Variants in GNG7 observed in about 807,000 individuals in gnomAD.
GNG7 encodes G protein subunit gamma 7.
A neutral mutation model predicts 4.0 loss-of-function variants in GNG7; 1 was observed. That is an observed-to-expected ratio of 0.25 (90% CI 0.09 to 1.18). The LOEUF (loss-of-function observed/expected upper bound fraction) is 1.18, where lower values mean the gene tolerates loss of function less well. Ranked by LOEUF, GNG7 falls within the 50% of genes most tolerant of loss-of-function variation. The pLI is 0.50. For synonymous variants in GNG7, 34 were observed against 36.9 expected, an observed-to-expected ratio of 0.92 and a Z score of 0.29; for missense variants, 86 against 91.9, an observed-to-expected ratio of 0.94 and a Z score of 0.26.
rs1982219490 is a variant in GNG7 at position 2,633,483 on chromosome 19, GCGCGCACACACACACA to G, written c.-78+12725_-78+12740del. ...TGCTTAGCAACAGGCGCGCGCGCGC[GCGCGCACACACACACA>G]CACACACACACACACACACACACAC... On this transcript the variant is annotated intron_variant, in intron 2 of 4. Transcript: ENST00000382159. The surrounding 1 kb of genome is among the most constrained non-coding windows in gnomAD (Gnocchi z 5.9). Among the ~76,000 whole-genome samples, 1 of 80,308 alleles carries G rather than the reference GCGCGCACACACACACA, an allele frequency of 1.2e-5. No individual in the cohort carries two copies. Among genetic ancestry groups the G allele is most frequent in the African/African-American group, 3.7e-5 (1 of 26,692 alleles). 52.7% of individuals were successfully genotyped at this position (80,308 alleles called of 152,430 possible). A position where few individuals can be genotyped will look rare whatever the true frequency, so the allele number is the denominator to read the frequency against.
At chr19:2,680,092 C>T (rs564867831) in intron 1 of GNG7, among the ~76,000 whole-genome samples, 3 of 151,468 alleles carry the variant, frequency 2.0e-5, no homozygotes, top group Non-Finnish European at 2.9e-5. Flanking sequence ...GAGGGAGGAT[C>T]GCTTAAGCCC....
At chr19:2,528,186 G>A (rs1055820688) in intron 3 of GNG7, among the ~76,000 whole-genome samples, 10 of 149,556 alleles carry the variant, frequency 6.7e-5, no homozygotes, top group South Asian at 2.1e-4. Context: ...CACAAGAATC[G>A]CTTGAACCCA....
intron 1 of GNG7, among the ~76,000 whole-genome samples, chr19:2,661,341 A>AAAGAAAGAAAGAAAGG (rs1568277876): frequency 2.8e-4 from 41 of 149,086 alleles, no homozygotes; most frequent in African/African-American, 1.0e-3. Flanking sequence ...AGAAAGAAAG[A>AAAGAAAGAAAGAAAGG]AAGAAAGAAA....
intron 1 of GNG7, among the ~76,000 whole-genome samples, chr19:2,689,129 GC>G (rs1913073577): frequency 6.7e-6 from 1 of 149,830 alleles, no homozygotes; most frequent in East Asian, 2.0e-4. Flanking sequence ...AATTATGTTT[GC>G]CCCAACATAA....
chr19:2,689,675 T>C (rs1913090210), intron 1 of GNG7, among the ~76,000 whole-genome samples: 1 of 143,922 alleles, frequency 6.9e-6, no homozygotes. Context: ...TTCTCTGAAG[T>C]TAACTGTTAG....
intron 2 of GNG7, among the ~76,000 whole-genome samples, chr19:2,558,953 C>G (rs888894072): frequency 3.3e-5 from 5 of 151,870 alleles, no homozygotes; most frequent in African/African-American, 9.7e-5. Flanking sequence ...CATGCACCAC[C>G]ACTCTTGGCT....
intron 3 of GNG7, chr19:2,538,081 A>AAAAC (rs1555691778): frequency 9.1e-6 from 4 of 441,916 alleles, no homozygotes; most frequent in African/African-American, 6.1e-5. Flanking sequence ...TCTCTCAAAC[A>AAAAC]AAACAAAACA....
chr19:2,554,658 G>A (rs1169484602), intron 3 of GNG7, among the ~76,000 whole-genome samples: 2 of 151,190 alleles, frequency 1.3e-5, no homozygotes, highest in African/African-American at 2.4e-5. Flanking sequence ...AGGTTCAAGC[G>A]ATTCTCCTGC....
rs1568277607 is a variant in GNG7, at chr19:2,661,258, AAAG to A, written c.-134-14981_-134-14979del. ...AAAGAAAGAAAGAAAAGAAAGAAAG[AAAG>A]AAAGAAAGAAAAGAAAGAAAGAAAG... On this transcript the variant is annotated intron_variant, in intron 1 of 4. Transcript: ENST00000382159. Among the ~76,000 whole-genome samples, 384 of 83,740 alleles carry A rather than the reference AAAG, an allele frequency of 4.6e-3. 21 individuals are homozygous for A. The highest frequency in any genetic ancestry group is 0.019 in the African/African-American group (373 of 20,094). The allele number at this position is 83,740 out of a possible 152,430, so 54.9% of individuals were successfully genotyped here.
In GNG7 at chr19:2,633,493, A is replaced by ACACACGCG. The variant is rs1312927356; in HGVS notation, c.-78+12730_-78+12731insCGCGTGTG. ...CAGGCGCGCGCGCGCGCGCGCACAC[A>ACACACGCG]CACACACACACACACACACACACAC... On this transcript the variant is annotated intron_variant, in intron 2 of 4. Transcript: ENST00000382159. This position sits in a 1 kb window ranked among gnomAD's most constrained non-coding sequence, Gnocchi z 5.9. Among the ~76,000 whole-genome samples, 1 of 115,124 alleles carries ACACACGCG rather than the reference A, an allele frequency of 8.7e-6. No homozygotes were observed. Among genetic ancestry groups the ACACACGCG allele is most frequent in the African/African-American group, 3.2e-5 (1 of 31,482 alleles). The allele number at this position is 115,124 out of a possible 152,430, so 75.5% of individuals were successfully genotyped here.
intron 3 of GNG7, among the ~76,000 whole-genome samples, chr19:2,539,346 C>T (rs566087353): frequency 6.7e-6 from 1 of 149,992 alleles, no homozygotes; most frequent in Non-Finnish European, 1.5e-5. Context: ...CCTCTTGTCA[C>T]CCAGGCTGGA....
At chr19:2,670,495 G>C (rs909551577) in intron 1 of GNG7, among the ~76,000 whole-genome samples, 4 of 152,258 alleles carry the variant, frequency 2.6e-5, no homozygotes, top group Admixed American at 2.6e-4. Flanking sequence ...GGTCAGACTT[G>C]CTGAGCTAGG....
At chr19:2,697,361 C>T (rs1250864476) in intron 1 of GNG7, among the ~76,000 whole-genome samples, 2 of 152,164 alleles carry the variant, frequency 1.3e-5, no homozygotes, top group Non-Finnish European at 2.9e-5. Flanking sequence ...GGAGCAACCA[C>T]ACAGAGAGAG....
At chr19:2,594,356 C>T (rs771643583) in intron 2 of GNG7, among the ~76,000 whole-genome samples, 2 of 148,550 alleles carry the variant, frequency 1.3e-5, no homozygotes, top group East Asian at 3.9e-4. Flanking sequence ...GCCTAGGCGA[C>T]AGAGTGAGAC....
In GNG7 at chr19:2,514,004, C is replaced by G. The variant is rs932525731; in HGVS notation, c.*1018G>C. 2.0e-5 allele frequency: 3 copies of G among 152,292 alleles called. No individual in the cohort carries two copies. The highest frequency in any genetic ancestry group is 2.0e-4 in the Admixed American group (3 of 15,258). The allele number at this position is 152,292 out of a possible 1,614,324, so 9.4% of individuals were successfully genotyped here. On this transcript the variant is annotated 3_prime_UTR_variant, in exon 5 of 5. Coordinates refer to ENST00000382159, the MANE Select transcript of GNG7 (RefSeq NM_052847.3). Reference sequence around the variant, plus strand: ...CCGAGGTCAGGAGTTTGAGAGCGGCCTGGCCAATACGGTGAAACCCCGTCT... The same window carrying G: ...CCGAGGTCAGGAGTTTGAGAGCGGCGTGGCCAATACGGTGAAACCCCGTCT...
At chr19:2,661,670 T>TAA (rs57483197) in intron 1 of GNG7, among the ~76,000 whole-genome samples, 16 of 108,644 alleles carry the variant, frequency 1.5e-4, no homozygotes, top group African/African-American at 3.8e-4. Flanking sequence ...GAGACTCCAT[T>TAA]AAAAAAAAAA....
At chr19:2,612,111 G>A (rs1981587098) in intron 2 of GNG7, among the ~76,000 whole-genome samples, 2 of 152,106 alleles carry the variant, frequency 1.3e-5, no homozygotes, top group Admixed American at 1.3e-4. Context: ...TCAACCTCGT[G>A]ATCCGCCTAC....
chr19:2,553,043 G>C (rs1599386566), intron 3 of GNG7, among the ~76,000 whole-genome samples: 1 of 149,724 alleles, frequency 6.7e-6, no homozygotes, highest in Admixed American at 6.8e-5. Context: ...AAAAACTGGC[G>C]AGTCGACGAA....
Position 2,537,020 on chromosome 19 carries a change from C to T in GNG7, c.-37-16295G>A, listed in dbSNP as rs1181312370. ...GGAGTGCAGTGGTGTGATCTCTGCT[C>T]ACTGCAAGCTCCGCCTCCCGGGTTC... On this transcript the variant is annotated intron_variant, in intron 3 of 4. Transcript: ENST00000382159. 2.6e-5 allele frequency among the ~76,000 whole-genome samples: 4 copies of T among 151,008 alleles called. No individual in the cohort carries two copies. In the South Asian group the frequency reaches 8.3e-4, roughly 31 times the overall value.
Sources: gnomAD v4.1 joint callset for allele counts (sites outside exome capture counted in the v4.1 genomes callset) on GRCh38, gnomAD v4.1.1 for gene constraint, Gnocchi (gnomAD v3.1) non-coding constraint, MANE v1.5 for transcripts, NCBI Gene and HGNC (gene_info 2026-07-23, HGNC 2026-07-21) for gene names.